The following ATAD2B variants were observed in gnomAD, a reference collection of about 807,000 sequenced individuals.
ATAD2B encodes the protein ATPase family AAA domain containing 2B.
ATAD2B carries 40 observed loss-of-function variants against 167.6 expected under a neutral mutation model. The ratio of observed to expected loss-of-function variants is 0.24; its 90% CI spans 0.19 to 0.31. The LOEUF (loss-of-function observed/expected upper bound fraction) is 0.31. Among genes scored for constraint, ATAD2B ranks in the 10% least tolerant of loss-of-function variants. ATAD2B has a pLI of 1.00. For synonymous variants in ATAD2B, 579 were observed against 596.5 expected, an observed-to-expected ratio of 0.97 and a Z score of 0.43; for missense variants, 1,242 against 1,757.2, an observed-to-expected ratio of 0.71 and a Z score of 5.24.
intron 19 of ATAD2B, among the ~76,000 whole-genome samples, chr2:23,796,984 T>C (rs1682725992): frequency 6.6e-6 from 1 of 152,182 alleles, no homozygotes; most frequent in African/African-American, 2.4e-5. Flanking sequence ...ACATTTTGAT[T>C]AGTGATCTTC....
chr2:23,783,814 A>T (rs1680406810), intron 21 of ATAD2B, among the ~76,000 whole-genome samples: 1 of 152,122 alleles, frequency 6.6e-6, no homozygotes, highest in Non-Finnish European at 1.5e-5. Context: ...CTATAACAGC[A>T]GTCTTAGCAG....
intron 6 of ATAD2B, chr2:23,883,564 G>A (rs752754148): frequency 6.1e-5 from 76 of 1,238,976 alleles, no homozygotes; most frequent in Non-Finnish European, 7.9e-5. Context: ...TTAATGAAAA[G>A]GCAAGAATCG....
intron 13 of ATAD2B, among the ~76,000 whole-genome samples, chr2:23,844,955 GAA>G (rs34425877): frequency 6.7e-6 from 1 of 150,316 alleles, no homozygotes; most frequent in South Asian, 2.1e-4. Flanking sequence ...AGTCAAGAAG[GAA>G]AAAAAAACCT....
At chr2:23,906,730 C>T (rs561741187) in intron 1 of ATAD2B, among the ~76,000 whole-genome samples, 1 of 151,938 alleles carries the variant, frequency 6.6e-6, no homozygotes, top group Admixed American at 6.6e-5. Flanking sequence ...AAAATACTGG[C>T]AAACTGAATC....
chr2:23,847,302 G>C (rs549119400), intron 13 of ATAD2B, among the ~76,000 whole-genome samples: 13 of 150,332 alleles, frequency 8.6e-5, no homozygotes, highest in Admixed American at 4.0e-4. Flanking sequence ...TCAGGAGTTC[G>C]AGACCAGCCT....
rs1425822643 is a variant in ATAD2B at position 23,810,475 on chromosome 2, G to C, written c.2295C>G (p.Tyr765Ter). 1 of 1,613,828 alleles carries C rather than the reference G, an allele frequency of 6.2e-7. No homozygotes were observed. The highest frequency in any genetic ancestry group is 8.5e-7 in the Non-Finnish European group (1 of 1,179,770). Residue 765 changes from tyrosine to a stop codon, truncating the protein, a stop_gained, in exon 18 of 28, where the codon TAC becomes TAG. Coordinates refer to ENST00000238789, the MANE Select transcript of ATAD2B (RefSeq NM_017552.4). LOFTEE classifies it high-confidence loss of function. ...TMSPYHQPTS[Y>*]RPRLLLSGER... ...CTCCAGAGAGCAATAAGCGTGGCCT[G>C]TAAGAGGTTGGCTGATGATATGGTG...
chr2:23,759,777 C>A (rs958431609), intron 24 of ATAD2B, among the ~76,000 whole-genome samples: 4 of 152,140 alleles, frequency 2.6e-5, no homozygotes, highest in Non-Finnish European at 4.4e-5. Flanking sequence ...CTGTATTAAT[C>A]TACTGTTAAA....
chr2:23,728,201 T>C, the ATAD2B span, among the ~76,000 whole-genome samples: 1 of 152,132 alleles, frequency 6.6e-6, no homozygotes, highest in Non-Finnish European at 1.5e-5. Context: ...TTATGTTCAA[T>C]TTTTCTGTAA....
intron 13 of ATAD2B, among the ~76,000 whole-genome samples, chr2:23,847,937 G>A (rs972600791): frequency 6.7e-6 from 1 of 148,940 alleles, no homozygotes; most frequent in Non-Finnish European, 1.5e-5. Flanking sequence ...AGGTTGCAGT[G>A]AGCCGAGATC....
chr2:23,779,595 A>T (rs758706770), intron 22 of ATAD2B, among the ~76,000 whole-genome samples: 26 of 152,340 alleles, frequency 1.7e-4, no homozygotes, highest in South Asian at 1.2e-3. Flanking sequence ...TTCTAAGGAA[A>T]TAATTAAGAA....
At chr2:23,700,148 C>A in the ATAD2B span, among the ~76,000 whole-genome samples, 1 of 152,326 alleles carries the variant, frequency 6.6e-6, no homozygotes, top group East Asian at 1.9e-4. The surrounding 1 kb of genome is among the most constrained non-coding windows in gnomAD (Gnocchi z 4.6). Flanking sequence ...CACATTTAAT[C>A]TTTCATTATC....
downstream of ATAD2B, among the ~76,000 whole-genome samples, chr2:23,746,512 C>A (rs1381722822): frequency 6.6e-6 from 1 of 152,212 alleles, no homozygotes; most frequent in African/African-American, 2.4e-5. Context: ...TATGCTCCCT[C>A]AATGCCTAGC....
chr2:23,800,773 C>T (rs912334240), intron 18 of ATAD2B, among the ~76,000 whole-genome samples: 12 of 151,602 alleles, frequency 7.9e-5, no homozygotes, highest in East Asian at 1.9e-4. Flanking sequence ...AAAAAAATCT[C>T]GAAGCTTTTT....
At chr2:23,847,585 C>T (rs1391176111) in intron 13 of ATAD2B, among the ~76,000 whole-genome samples, 2 of 151,618 alleles carry the variant, frequency 1.3e-5, no homozygotes, top group South Asian at 4.2e-4. Context: ...GAGGATCAGT[C>T]GAGGCTGCAG....
chr2:23,912,213 T>C (rs915328317), intron 1 of ATAD2B, among the ~76,000 whole-genome samples: 2 of 152,082 alleles, frequency 1.3e-5, no homozygotes, highest in Admixed American at 1.3e-4. Context: ...AAACGGAAAG[T>C]AGGCCGGGTA....
At chr2:23,858,896 A>G (rs1693882225) in intron 12 of ATAD2B, among the ~76,000 whole-genome samples, 1 of 152,222 alleles carries the variant, frequency 6.6e-6, no homozygotes. Flanking sequence ...CCTATTGGCA[A>G]CAATATTGTA....
At chr2:23,775,074 T>A (rs1370545511) in intron 22 of ATAD2B, among the ~76,000 whole-genome samples, 1 of 152,048 alleles carries the variant, frequency 6.6e-6, no homozygotes, top group African/African-American at 2.4e-5. Context: ...GGCAAAAAAG[T>A]AATAAATGTC....
At chr2:23,786,520 T>C (rs1438566986) in intron 20 of ATAD2B, among the ~76,000 whole-genome samples, 1 of 152,020 alleles carries the variant, frequency 6.6e-6, no homozygotes, top group Admixed American at 6.6e-5. Flanking sequence ...CTGAATACTG[T>C]AGGCAACTGT....
intron 1 of ATAD2B, among the ~76,000 whole-genome samples, chr2:23,901,526 A>C (rs1700839012): frequency 6.6e-6 from 1 of 152,130 alleles, no homozygotes; most frequent in South Asian, 2.1e-4. Context: ...AAATTCTAGC[A>C]AGATTTTAAG....
Sources: gnomAD v4.1 joint callset for allele counts (sites outside exome capture counted in the v4.1 genomes callset) on GRCh38, gnomAD v4.1.1 for gene constraint, Gnocchi (gnomAD v3.1) non-coding constraint, MANE v1.5 for transcripts, NCBI Gene and HGNC (gene_info 2026-07-23, HGNC 2026-07-21) for gene names.